ZNF516: variants seen among roughly 807,000 people sequenced by gnomAD.
The protein encoded by ZNF516 is zinc finger protein 516.
A neutral mutation model predicts 79.7 loss-of-function variants in ZNF516; 19 were observed. The ratio of observed to expected loss-of-function variants is 0.24; its 90% CI spans 0.17 to 0.35. The LOEUF (loss-of-function observed/expected upper bound fraction) is 0.35. Among genes scored for constraint, ZNF516 ranks in the 10% least tolerant of loss-of-function variants. The pLI is 1.00. For synonymous variants in ZNF516, 877 were observed against 739.5 expected (o/e 1.19, Z -3.02); for missense variants, 1,678 against 1,679.5 (o/e 1.00, Z 0.02).
Position 76,443,168 on chromosome 18 carries a change from G to A in ZNF516, c.-114C>T. 7.0e-7 allele frequency: 1 copy of A among 1,421,710 alleles called. No individual in the cohort carries two copies. Among genetic ancestry groups the A allele is most frequent in the East Asian group, 2.6e-5 (1 of 38,742 alleles). The allele number at this position is 1,421,710 out of a possible 1,614,324, so 88.1% of individuals were successfully genotyped here. ...CCAAAAGACGTGCCTGCTCCCAGGAGGTGCACCTTCTACATGGGGGGCGCA... is the reference window on the plus strand; with the variant it reads ...CCAAAAGACGTGCCTGCTCCCAGGAAGTGCACCTTCTACATGGGGGGCGCA... On this transcript the variant is annotated 5_prime_UTR_variant, in exon 3 of 7. Coordinates refer to ENST00000443185, the MANE Select transcript of ZNF516 (RefSeq NM_014643.4).
chr18:76,392,508 G>A (rs1030001933), intron 3 of ZNF516, among the ~76,000 whole-genome samples: 2 of 150,454 alleles, frequency 1.3e-5, no homozygotes, highest in African/African-American at 4.9e-5. Flanking sequence ...AGGCAGGTGG[G>A]AAGGTAGGTG....
At chr18:76,366,201 A>C (rs1338477246) in intron 6 of ZNF516, among the ~76,000 whole-genome samples, 1 of 152,210 alleles carries the variant, frequency 6.6e-6, no homozygotes, top group African/African-American at 2.4e-5. Context: ...GGTGAATTTA[A>C]TCAATTTCAG....
At position 76,442,069 on chromosome 18, in the gene ZNF516, G is replaced by C. The variant is rs753104349; in HGVS notation, c.986C>G (p.Ala329Gly). Residue 329 changes from alanine to glycine, a missense_variant, in exon 3 of 7, where the codon GCC (alanine) becomes GGC (glycine). Physicochemically the swap from Ala to Gly is moderately conservative, Grantham distance 60. This residue lies in a region of ZNF516 where 1,294 missense variants were observed against 1,248.3 expected (regional missense o/e 1.04). Transcript: ENST00000443185. ...GCAGACCTCGTAGAGGCTCAGGCCG[G>C]CGACGATCACCTCCTCCTGGACCAC... The part of the protein sequence containing the change: ...NNVVQEEVIV[A>G]GLSLYEVCAK... 1 of 1,614,010 alleles carries C rather than the reference G, an allele frequency of 6.2e-7. No homozygotes were observed. The highest frequency in any genetic ancestry group is 1.1e-5 in the South Asian group (1 of 91,084).
Position 76,360,639 on chromosome 18 carries a change from AAAAAAAAATATAT to A in ZNF516, c.*1846_*1858del, listed in dbSNP as rs1227060387. ...ATATCAGAAAAAAATAAGTAAAAAA[AAAAAAAAATATAT>A]ATATATATATATATATATATATATA... On this transcript the variant is annotated 3_prime_UTR_variant, in exon 7 of 7. Coordinates refer to ENST00000443185, the MANE Select transcript of ZNF516 (RefSeq NM_014643.4). 1 of 112,084 alleles carries A rather than the reference AAAAAAAAATATAT, an allele frequency of 8.9e-6. No homozygotes were observed. Among genetic ancestry groups the A allele is most frequent in the Non-Finnish European group, 1.9e-5 (1 of 52,244 alleles). The allele number at this position is 112,084 out of a possible 1,614,324, so 6.9% of individuals were successfully genotyped here.
chr18:76,465,633 T>C (rs915201470), intron 1 of ZNF516, among the ~76,000 whole-genome samples: 1 of 152,206 alleles, frequency 6.6e-6, no homozygotes, highest in Non-Finnish European at 1.5e-5. Context: ...CCTGATGTGC[T>C]GCGATGAGAA....
chr18:76,369,322 T>C (rs1382001170), intron 6 of ZNF516, among the ~76,000 whole-genome samples: 3 of 152,218 alleles, frequency 2.0e-5, no homozygotes, highest in East Asian at 1.9e-4. Context: ...CAGAAGCTAA[T>C]TATTTAAAAC....
At chr18:76,461,329 A>G (rs139147501) in intron 2 of ZNF516, among the ~76,000 whole-genome samples, 4,309 of 152,294 alleles carry the variant, frequency 0.028, 127 homozygotes, top group African/African-American at 0.072. Flanking sequence ...AACACCGATC[A>G]CCATGGCCGC....
chr18:76,373,741 A>G (rs1186050464), intron 4 of ZNF516, among the ~76,000 whole-genome samples: 1 of 152,278 alleles, frequency 6.6e-6, no homozygotes, highest in East Asian at 1.9e-4. Context: ...GCAGGCGTAC[A>G]CGCTCACAAG....
In ZNF516 at chr18:76,484,442, C is replaced by G. The variant is rs74549085; in HGVS notation, c.-272+10702G>C. On this transcript the variant is annotated intron_variant, in intron 1 of 6. Coordinates refer to ENST00000443185, the MANE Select transcript of ZNF516 (RefSeq NM_014643.4). The stretch of plus-strand genomic sequence containing the variant: ...ATGCTTTCCTTCACGGTCATTACAC[C>G]AAGTCAATGTAACACTCCTAACGAT... Among the ~76,000 whole-genome samples the G allele has an allele frequency of 7.6e-4, 115 of 152,260 alleles. No homozygotes were observed. The East Asian group carries it at 0.021, about 28-fold the overall frequency.
At chr18:76,450,862 T>C (rs1264046914) in intron 2 of ZNF516, among the ~76,000 whole-genome samples, 2 of 152,334 alleles carry the variant, frequency 1.3e-5, no homozygotes, top group East Asian at 3.9e-4. Flanking sequence ...TGCCTGTGAA[T>C]TAAACCAGTA....
At chr18:76,471,428 A>T (rs1476229371) in intron 1 of ZNF516, among the ~76,000 whole-genome samples, 4 of 152,132 alleles carry the variant, frequency 2.6e-5, no homozygotes, top group Non-Finnish European at 5.9e-5. Flanking sequence ...CTCTGGTCAG[A>T]CATGTGGCCT....
chr18:76,450,657 T>A (rs1325616853), intron 2 of ZNF516, among the ~76,000 whole-genome samples: 1 of 152,238 alleles, frequency 6.6e-6, no homozygotes, highest in Admixed American at 6.5e-5. Flanking sequence ...GAGTGTATTC[T>A]GGCATTCCTA....
At chr18:76,483,455 C>G (rs1914645901) in intron 1 of ZNF516, among the ~76,000 whole-genome samples, 1 of 152,202 alleles carries the variant, frequency 6.6e-6, no homozygotes, top group African/African-American at 2.4e-5. Context: ...GGGAAGCTCC[C>G]TCTCGGCATC....
chr18:76,441,845 C>T lies in ZNF516; in HGVS notation c.1210G>A (p.Gly404Arg). 2 of 1,573,458 alleles carry T rather than the reference C, an allele frequency of 1.3e-6. No individual in the cohort carries two copies. Among genetic ancestry groups the T allele is most frequent in the Non-Finnish European group, 1.7e-6 (2 of 1,166,618 alleles). Reference protein sequence around the residue: ...AGDSCPGTQAGRRVAELDPVN... With the variant: ...AGDSCPGTQARRRVAELDPVN... Reference sequence around the variant, plus strand: ...GGGTCCAGCTCAGCCACCCGCCGTCCGGCCTGCGTGCCAGGGCACGAGTCG... The same window carrying T: ...GGGTCCAGCTCAGCCACCCGCCGTCTGGCCTGCGTGCCAGGGCACGAGTCG... Residue 404 changes from glycine (G) to arginine (R), a missense_variant, in exon 3 of 7, where the codon GGA (glycine) becomes AGA (arginine). By Grantham distance (125) the Gly-to-Arg change is moderately radical. Transcript: ENST00000443185.
At chr18:76,367,404 C>T (rs138521385) in intron 6 of ZNF516, among the ~76,000 whole-genome samples, 2,025 of 152,306 alleles carry the variant, frequency 0.013, 45 homozygotes, top group African/African-American at 0.044. Flanking sequence ...ACAACTCTGA[C>T]GGTGTCAGCC....
In ZNF516 at chr18:76,360,644, A is replaced by ATATATAT. The variant is rs3991208; in HGVS notation, c.*1853_*1854insATATATA. On this transcript the variant is annotated 3_prime_UTR_variant, in exon 7 of 7. Coordinates refer to ENST00000443185, the MANE Select transcript of ZNF516 (RefSeq NM_014643.4). ...AGAAAAAAATAAGTAAAAAAAAAAAAAAATATATATATATATATATATATA... is the reference window on the plus strand; with the variant it reads ...AGAAAAAAATAAGTAAAAAAAAAAAATATATATAAATATATATATATATATATATATA... 2.0e-4 allele frequency: 20 copies of ATATATAT among 101,644 alleles called. No homozygotes were observed. The highest frequency in any genetic ancestry group is 3.7e-4 in the African/African-American group (10 of 27,252). 6.3% of individuals were successfully genotyped at this position (101,644 alleles called of 1,614,324 possible).
chr18:76,424,605 C>A (rs1371947382), intron 3 of ZNF516, among the ~76,000 whole-genome samples: 2 of 111,150 alleles, frequency 1.8e-5, no homozygotes, highest in African/African-American at 7.1e-5. Context: ...AAGGCTCCCC[C>A]GAAACACACG....
intron 3 of ZNF516, among the ~76,000 whole-genome samples, chr18:76,399,225 T>C (rs935810518): frequency 1.5e-5 from 2 of 136,016 alleles, no homozygotes; most frequent in African/African-American, 5.7e-5. Context: ...ACCAAGAGCT[T>C]GCCTTAAAAG....
At chr18:76,460,771 T>G (rs1913050574) in intron 2 of ZNF516, among the ~76,000 whole-genome samples, 1 of 151,790 alleles carries the variant, frequency 6.6e-6, no homozygotes, top group East Asian at 1.9e-4. Flanking sequence ...AAAGCTACAG[T>G]GAAAATAAGA....
Sources: allele counts gnomAD v4.1 joint callset (sites outside exome capture counted in the v4.1 genomes callset), GRCh38; gene constraint gnomAD v4.1.1; regional missense constraint gnomAD v4.1.1; transcripts MANE v1.5; gene names NCBI Gene and HGNC (gene_info 2026-07-23, HGNC 2026-07-21).